Variants in RUFY3 observed in about 807,000 individuals in gnomAD.
RUFY3 encodes the protein RUN and FYVE domain containing 3.
Under a neutral mutation model 84.0 loss-of-function variants are expected in RUFY3, and 34 were observed. That is an observed-to-expected ratio of 0.40 (90% CI 0.31 to 0.54). The LOEUF is 0.54. Among genes scored for constraint, RUFY3 ranks in the 20% least tolerant of loss-of-function variants. The pLI is 0.39. For missense variants in RUFY3, 507 were observed against 736.8 expected, an observed-to-expected ratio of 0.69 and a Z score of 3.61; for synonymous variants, 242 against 252.9, an observed-to-expected ratio of 0.96 and a Z score of 0.41.
At chr4:70,710,131 G>A (rs1048458747) in intron 1 of RUFY3, among the ~76,000 whole-genome samples, 1 of 152,140 alleles carries the variant, frequency 6.6e-6, no homozygotes, top group African/African-American at 2.4e-5. Context: ...TGGGGAAGGA[G>A]GTTCGAAATA....
exon 1 of RUFY3, chr4:70,704,915 T>C: frequency 8.3e-7 from 1 of 1,206,104 alleles, no homozygotes; most frequent in Middle Eastern, 3.3e-4. Flanking sequence ...AATCGGAGGC[T>C]GCGGCGAAGG....
At chr4:70,753,736 C>A (rs1723515196) in intron 1 of RUFY3, among the ~76,000 whole-genome samples, 2 of 152,280 alleles carry the variant, frequency 1.3e-5, no homozygotes, top group Admixed American at 1.3e-4. Context: ...CATGTCATTT[C>A]TCTGGTTCCA....
At chr4:70,804,437 A>G (rs1200446794) in intron 17 of RUFY3, 21 bp downstream of exon 17, 1 of 1,607,956 alleles carries the variant, frequency 6.2e-7, no homozygotes, top group Non-Finnish European at 8.5e-7. Flanking sequence ...TGAGAAACGG[A>G]CAGGCTTTTC....
intron 8 of RUFY3, 135 bp downstream of exon 8, chr4:70,778,573 C>CTTTTTTTTT (rs377520137): frequency 8.6e-4 from 131 of 151,726 alleles, no homozygotes; most frequent in Middle Eastern, 3.1e-3. Flanking sequence ...ACTTCTTATT[C>CTTTTTTTTT]TTTTTTTTTT....
chr4:70,729,279 CAG>C (rs1718812558), intron 1 of RUFY3, among the ~76,000 whole-genome samples: 1 of 151,788 alleles, frequency 6.6e-6, no homozygotes, highest in African/African-American at 2.4e-5. Flanking sequence ...TTTTTTGAGA[CAG>C]AGTCTCACAG....
At chr4:70,774,644 A>AATATATATATATATATAT (rs1553916772) in intron 6 of RUFY3, among the ~76,000 whole-genome samples, 20 of 56,670 alleles carry the variant, frequency 3.5e-4, no homozygotes, top group African/African-American at 1.3e-3. Flanking sequence ...AAAAAAAAAA[A>AATATATATATATATATAT]ATATATATAT....
At chr4:70,790,752 G>A (rs899880108) in intron 12 of RUFY3, among the ~76,000 whole-genome samples, 7 of 152,222 alleles carry the variant, frequency 4.6e-5, no homozygotes, top group Middle Eastern at 3.4e-3. Context: ...TAGATCTGTC[G>A]CAGTGCCTTG....
At position 70,763,549 on chromosome 4, in the gene RUFY3, T is replaced by C; in HGVS notation, c.353-3T>C. 1 of 1,604,424 alleles carries C rather than the reference T, an allele frequency of 6.2e-7. No homozygotes were observed. Among genetic ancestry groups the C allele is most frequent in the East Asian group, 2.2e-5 (1 of 44,794 alleles). On this transcript the variant is annotated splice_region_variant and splice_polypyrimidine_tract_variant and intron_variant, in intron 2 of 17. Coordinates refer to ENST00000381006, the MANE Select transcript of RUFY3 (RefSeq NM_001037442.4). ...AAATACTGCTTTATTTTTGTTGCCT[T>C]AGCTAAAAAAACTTTTCTCGGACAA...
intron 1 of RUFY3, among the ~76,000 whole-genome samples, chr4:70,738,360 T>C (rs1336816926): frequency 7.1e-6 from 1 of 141,168 alleles, no homozygotes; most frequent in Non-Finnish European, 1.5e-5. Context: ...TTTCATCTTT[T>C]TTTTTTTTTT....
intron 14 of RUFY3, among the ~76,000 whole-genome samples, chr4:70,796,247 A>G (rs1403552320): frequency 6.6e-6 from 1 of 152,168 alleles, no homozygotes; most frequent in African/African-American, 2.4e-5. Flanking sequence ...AGATGTTGGC[A>G]TTCTCTGGCC....
chr4:70,804,726 A>T (rs1732645265), intron 17 of RUFY3, among the ~76,000 whole-genome samples: 1 of 149,706 alleles, frequency 6.7e-6, no homozygotes, highest in South Asian at 2.1e-4. Context: ...GACCAGCCTG[A>T]TCAACATGGT....
chr4:70,711,220 A>G lies in RUFY3; in HGVS notation c.358+5926A>G, dbSNP rs192271943. Among the ~76,000 whole-genome samples, 7 of 152,108 alleles carry G rather than the reference A, an allele frequency of 4.6e-5. No homozygotes were observed. In the East Asian group the frequency reaches 1.4e-3, roughly 29 times the overall value. ...GTGATCCTCCTGCCTCGGCCTTCCA[A>G]AGTGCTGGGATTACAGGCATGAACC... On this transcript the variant is annotated intron_variant, in intron 1 of 11. Transcript: ENST00000417478.
Position 70,793,823 on chromosome 4 carries a change from TGGA to T in RUFY3, c.1377_1379del (p.Leu459_Asp460delinsPhe). 4 of 1,614,150 alleles carry T rather than the reference TGGA, an allele frequency of 2.5e-6. No individual in the cohort carries two copies. The highest frequency in any genetic ancestry group is 1.7e-6 in the Non-Finnish European group (2 of 1,180,026). On this transcript the variant is annotated inframe_deletion, in exon 13 of 18. Transcript: ENST00000381006. ...GAGCGAAGCCGCCAATCTGCTGAGT[TGGA>T]CAACCGGCTCTTCAAACAGGACTTT...
Position 70,804,408 on chromosome 4 carries a change from C to T in RUFY3, c.1711C>T (p.Leu571=), listed in dbSNP as rs1312108039. The T allele has an allele frequency of 9.3e-6, 15 of 1,613,646 alleles. No homozygotes were observed. In the Admixed American group the frequency reaches 2.5e-4, roughly 27 times the overall value. The part of the protein sequence containing the change: ...LCQLCQEDGS[L]TKNVCKNCSG... ...TCAGCTATGCCAGGAAGACGGCAGC[C>T]TAACAAAGGTAACTGTGATGAGAAA... Residue 571 remains leucine, a synonymous_variant, in exon 17 of 18, where the codon CTA becomes TTA. Transcript: ENST00000381006.
At chr4:70,720,042 A>T (rs1013170257), upstream of RUFY3, among the ~76,000 whole-genome samples, 6 of 152,158 alleles carry the variant, frequency 3.9e-5, no homozygotes, top group African/African-American at 1.4e-4. Flanking sequence ...GCCTATATAT[A>T]TGCCTTCTTA....
At chr4:70,725,341 T>C (rs1407008684) in intron 1 of RUFY3, among the ~76,000 whole-genome samples, 2 of 152,100 alleles carry the variant, frequency 1.3e-5, no homozygotes, top group Non-Finnish European at 2.9e-5. Context: ...CTCTTTTTTT[T>C]TTTTTTGAGA....
chr4:70,711,836 C>T (rs975321164), intron 1 of RUFY3, among the ~76,000 whole-genome samples: 12 of 152,230 alleles, frequency 7.9e-5, no homozygotes, highest in African/African-American at 2.7e-4. Flanking sequence ...ACTCTGCTTG[C>T]CTTCCTGATT....
intron 12 of RUFY3, chr4:70,791,381 C>T (rs1578235535): frequency 2.6e-6 from 4 of 1,564,116 alleles, no homozygotes; most frequent in South Asian, 2.4e-5. Flanking sequence ...TACATTTAAG[C>T]TCTGATTCTA....
At chr4:70,758,894 C>G (rs185265388) in intron 1 of RUFY3, among the ~76,000 whole-genome samples, 3 of 152,060 alleles carry the variant, frequency 2.0e-5, no homozygotes, top group Non-Finnish European at 4.4e-5. Flanking sequence ...AAAAAATTAG[C>G]CCAGCGTGGT....
Sources: allele counts gnomAD v4.1 joint callset (sites outside exome capture counted in the v4.1 genomes callset), GRCh38; gene constraint gnomAD v4.1.1; transcripts MANE v1.5; gene names NCBI Gene and HGNC (gene_info 2026-07-23, HGNC 2026-07-21).